The following DLG2 variants were observed in gnomAD, a reference collection of about 807,000 sequenced individuals.
DLG2 encodes the protein discs large MAGUK scaffold protein 2.
In DLG2, 45 loss-of-function variants were observed where a neutral mutation model predicts 132.5. That is an observed-to-expected ratio of 0.34 (90% confidence interval 0.27 to 0.44). The LOEUF (loss-of-function observed/expected upper bound fraction) is 0.44, where lower values mean the gene tolerates loss of function less well. Among genes scored for constraint, DLG2 ranks in the 20% least tolerant of loss-of-function variants. The pLI is 1.00. For missense variants in DLG2, 1,045 were observed against 1,196.9 expected (o/e 0.87, Z 1.87); for synonymous variants, 424 against 419.6 (o/e 1.01, Z -0.13).
intron 6 of DLG2, among the ~76,000 whole-genome samples, chr11:84,640,844 G>A (rs1314832191): frequency 3.3e-5 from 5 of 152,056 alleles, no homozygotes; most frequent in East Asian, 1.9e-4. Context: ...GGAGGCTGAG[G>A]CAGGAGAATT....
intron 6 of DLG2, among the ~76,000 whole-genome samples, chr11:85,105,950 A>G (rs1236228512): frequency 3.3e-5 from 5 of 150,732 alleles, no homozygotes; most frequent in Non-Finnish European, 7.4e-5. Flanking sequence ...AGGTCACACA[A>G]TGCATTCTGG....
chr11:84,820,552 C>G (rs956721939), intron 6 of DLG2, among the ~76,000 whole-genome samples: 5 of 151,846 alleles, frequency 3.3e-5, no homozygotes, highest in African/African-American at 4.8e-5. Context: ...AACTTATCCT[C>G]AAATTTTTCC....
intron 3 of DLG2, among the ~76,000 whole-genome samples, chr11:85,461,680 G>GC (rs1211039228): frequency 1.3e-5 from 2 of 152,140 alleles, no homozygotes; most frequent in Non-Finnish European, 2.9e-5. Context: ...ACTTCCCCAA[G>GC]CCACATGCAG....
At chr11:85,025,374 C>T (rs2060428627) in intron 6 of DLG2, among the ~76,000 whole-genome samples, 1 of 152,180 alleles carries the variant, frequency 6.6e-6, no homozygotes, top group African/African-American at 2.4e-5. Flanking sequence ...TGGAGTCTGA[C>T]TTTCCTCGAT....
chr11:84,158,049 C>T (rs1241309559), intron 9 of DLG2, among the ~76,000 whole-genome samples: 1 of 151,230 alleles, frequency 6.6e-6, no homozygotes, highest in Admixed American at 6.6e-5. Flanking sequence ...GATAAATTCT[C>T]TATTTGTGTT....
intron 6 of DLG2, among the ~76,000 whole-genome samples, chr11:84,981,824 C>T (rs1408765527): frequency 2.0e-5 from 3 of 152,056 alleles, no homozygotes; most frequent in African/African-American, 7.2e-5. Flanking sequence ...CCTCACCTCC[C>T]ACTCATCTTT....
intron 7 of DLG2, among the ~76,000 whole-genome samples, chr11:84,487,983 A>T (rs2099155285): frequency 6.6e-6 from 1 of 152,116 alleles, no homozygotes; most frequent in Non-Finnish European, 1.5e-5. Context: ...GTAGAATTGG[A>T]TCAAATTAGA....
chr11:85,383,953 C>T (rs2086114088), intron 3 of DLG2, among the ~76,000 whole-genome samples: 1 of 152,168 alleles, frequency 6.6e-6, no homozygotes. Context: ...CTGAACTATA[C>T]CTACTCGTCA....
chr11:83,713,726 C>T (rs1196918428), intron 18 of DLG2, among the ~76,000 whole-genome samples: 4 of 152,150 alleles, frequency 2.6e-5, no homozygotes, highest in Non-Finnish European at 5.9e-5. Flanking sequence ...CCAAAAAGTA[C>T]TTTAGAAAAC....
chr11:84,953,802 A>G (rs1214129710), intron 6 of DLG2, among the ~76,000 whole-genome samples: 2 of 152,108 alleles, frequency 1.3e-5, no homozygotes, highest in African/African-American at 2.4e-5. Context: ...TCTACAGCCT[A>G]CAAGTCTCCC....
intron 16 of DLG2, among the ~76,000 whole-genome samples, chr11:83,862,089 G>C (rs1397081295): frequency 6.6e-6 from 1 of 152,042 alleles, no homozygotes; most frequent in African/African-American, 2.4e-5. Flanking sequence ...CCCACTACTA[G>C]GTATATATCC....
chr11:85,301,377 A>G (rs897965412), intron 3 of DLG2, among the ~76,000 whole-genome samples: 1 of 152,128 alleles, frequency 6.6e-6, no homozygotes, highest in Non-Finnish European at 1.5e-5. Context: ...GGAAGACTAT[A>G]TACGTTCTAT....
intron 7 of DLG2, among the ~76,000 whole-genome samples, chr11:84,449,888 A>C (rs1258561885): frequency 6.6e-6 from 1 of 151,910 alleles, no homozygotes; most frequent in Non-Finnish European, 1.5e-5. Flanking sequence ...GTAATTTTAA[A>C]GTCTAATTGA....
At chr11:83,931,480 T>A (rs1399318713) in intron 14 of DLG2, among the ~76,000 whole-genome samples, 1 of 152,230 alleles carries the variant, frequency 6.6e-6, no homozygotes, top group Non-Finnish European at 1.5e-5. Flanking sequence ...GTTTCCAATT[T>A]TCTCCTAGTC....
At chr11:84,865,204 C>T (rs184702548) in intron 6 of DLG2, among the ~76,000 whole-genome samples, 313 of 152,212 alleles carry the variant, frequency 2.1e-3, no homozygotes, top group Middle Eastern at 0.014. Flanking sequence ...TTGCTGTATC[C>T]GTGGAACACA....
intron 15 of DLG2, among the ~76,000 whole-genome samples, chr11:83,899,539 T>C (rs1209500694): frequency 6.6e-6 from 1 of 152,182 alleles, no homozygotes; most frequent in Non-Finnish European, 1.5e-5. Context: ...GGGGCAGGTC[T>C]TTCCCATGCC....
intron 19 of DLG2, among the ~76,000 whole-genome samples, chr11:83,560,649 G>T (rs1250894742): frequency 6.6e-6 from 1 of 152,118 alleles, no homozygotes; most frequent in African/African-American, 2.4e-5. Flanking sequence ...CCAAGACAGA[G>T]GATTAGGTTA....
intron 3 of DLG2, among the ~76,000 whole-genome samples, chr11:85,371,436 A>G (rs1258581626): frequency 6.6e-6 from 1 of 152,216 alleles, no homozygotes; most frequent in African/African-American, 2.4e-5. Context: ...TAGAATTTAG[A>G]AACTATCTGT....
chr11:84,125,634 G>T (rs189323418), intron 9 of DLG2, among the ~76,000 whole-genome samples: 1 of 152,302 alleles, frequency 6.6e-6, no homozygotes, highest in African/African-American at 2.4e-5. Flanking sequence ...AGGCACAGCT[G>T]TCAATAAGAA....
Sources: allele counts gnomAD v4.1 joint callset (sites outside exome capture counted in the v4.1 genomes callset), GRCh38; gene constraint gnomAD v4.1.1; transcripts MANE v1.5; gene names NCBI Gene and HGNC (gene_info 2026-07-23, HGNC 2026-07-21).